Variants in THSD7B observed in about 807,000 individuals in gnomAD.
The protein encoded by THSD7B is thrombospondin type 1 domain containing 7B.
THSD7B carries 138 observed loss-of-function variants against 213.6 expected under a neutral mutation model. The ratio of observed to expected loss-of-function variants is 0.65; its 90% CI spans 0.56 to 0.74. The LOEUF is 0.74. Ranked by LOEUF, THSD7B falls within the 30% of genes least tolerant of loss-of-function variation. The probability of loss-of-function intolerance (pLI) is 0.00; values close to 1 mark genes in which losing one functional copy is unlikely to be tolerated. For synonymous variants in THSD7B, 742 were observed against 687.0 expected (o/e 1.08, Z -1.25); for missense variants, 1,931 against 1,991.5 (o/e 0.97, Z 0.58).
At chr2:137,397,666 TA>T (rs1686228237) in intron 12 of THSD7B, among the ~76,000 whole-genome samples, 3 of 151,586 alleles carry the variant, frequency 2.0e-5, no homozygotes, top group African/African-American at 7.3e-5. Flanking sequence ...TCTCGAGGAG[TA>T]TCTTTGTGGC....
chr2:136,983,826 G>A lies in THSD7B; in HGVS notation c.140-72594G>A, dbSNP rs539349787. Reference sequence around the variant, plus strand: ...TGGTAAGTCCCTCCTTTCAGGAACCGTCAGTTTGCTAACCTGGACTTCATG... The same window carrying A: ...TGGTAAGTCCCTCCTTTCAGGAACCATCAGTTTGCTAACCTGGACTTCATG... On this transcript the variant is annotated intron_variant, in intron 2 of 27. Transcript: ENST00000409968. Among the ~76,000 whole-genome samples, 13 of 152,292 alleles carry A rather than the reference G, an allele frequency of 8.5e-5. No individual in the cohort carries two copies. In the South Asian group the frequency reaches 2.7e-3, roughly 32 times the overall value.
intron 2 of THSD7B, among the ~76,000 whole-genome samples, chr2:136,989,373 T>A (rs1391864393): frequency 2.0e-5 from 3 of 152,194 alleles, no homozygotes; most frequent in African/African-American, 7.2e-5. Context: ...ATTCTCACTC[T>A]GAGTTCATGT....
At chr2:136,921,717 A>G (rs139656122) in intron 2 of THSD7B, among the ~76,000 whole-genome samples, 65 of 152,352 alleles carry the variant, frequency 4.3e-4, no homozygotes, top group African/African-American at 1.5e-3. Flanking sequence ...AAAATCATTA[A>G]GTGGTAGAAT....
Position 137,389,402 on chromosome 2 carries a change from A to ATTTTTTTT in THSD7B, c.2501-16191_2501-16184dup, listed in dbSNP as rs70978214. 3.7e-4 allele frequency among the ~76,000 whole-genome samples: 14 copies of ATTTTTTTT among 38,078 alleles called. 1 individual carries two copies. The highest frequency in any genetic ancestry group is 1.1e-3 in the East Asian group (1 of 916). The allele number at this position is 38,078 out of a possible 152,430, so 25.0% of individuals were successfully genotyped here. A position where few individuals can be genotyped will look rare whatever the true frequency, so the allele number is the denominator to read the frequency against. On this transcript the variant is annotated intron_variant, in intron 12 of 27. Coordinates refer to ENST00000409968, the MANE Select transcript of THSD7B (RefSeq NM_001316349.2). ...GATAGTTTGACCACTTCTTAATGTG[A>ATTTTTTTT]TTTTTTTTTTTTTTTTTTTTTTTTT... is the stretch of plus-strand genomic sequence containing the variant.
chr2:136,797,853 T>C (rs567457267), intron 1 of THSD7B, among the ~76,000 whole-genome samples: 1 of 152,084 alleles, frequency 6.6e-6, no homozygotes, highest in East Asian at 1.9e-4. Flanking sequence ...ACATCAAAAC[T>C]TGTATATGAG....
chr2:137,257,622 CT>C (rs1350053369), intron 10 of THSD7B, among the ~76,000 whole-genome samples: 1 of 152,176 alleles, frequency 6.6e-6, no homozygotes, highest in Non-Finnish European at 1.5e-5. Flanking sequence ...TAAACCACCC[CT>C]GAGACTGCAC....
intron 20 of THSD7B, among the ~76,000 whole-genome samples, chr2:137,624,238 T>C (rs1682578935): frequency 1.3e-5 from 2 of 152,264 alleles, no homozygotes; most frequent in Admixed American, 1.3e-4. Context: ...AAGGATTCCC[T>C]ATTTAATAAC....
At chr2:137,516,196 G>T (rs1263899378) in intron 15 of THSD7B, among the ~76,000 whole-genome samples, 1 of 151,954 alleles carries the variant, frequency 6.6e-6, no homozygotes, top group Non-Finnish European at 1.5e-5. Flanking sequence ...TAATCACGGT[G>T]TTCCTAAAAG....
intron 12 of THSD7B, among the ~76,000 whole-genome samples, chr2:137,403,129 A>G (rs770465537): frequency 1.3e-5 from 2 of 151,910 alleles, no homozygotes; most frequent in African/African-American, 4.9e-5. Context: ...GATAAAAACG[A>G]AAACAAAAAA....
chr2:137,549,310 CTTTTTTTTTTTT>C (rs1027305359), intron 15 of THSD7B, among the ~76,000 whole-genome samples: 2 of 25,206 alleles, frequency 7.9e-5, no homozygotes, highest in Admixed American at 4.1e-4. Flanking sequence ...TTCAGATGCT[CTTTTTTTTTTTT>C]TTTTTTTTTT....
chr2:137,176,871 C>T (rs1256169846), intron 7 of THSD7B, among the ~76,000 whole-genome samples: 1 of 152,214 alleles, frequency 6.6e-6, no homozygotes, highest in Admixed American at 6.5e-5. Context: ...TCCTGCCTCA[C>T]TTCCCCACTT....
chr2:137,647,387 G>C (rs1338430571), intron 21 of THSD7B, among the ~76,000 whole-genome samples: 2 of 149,666 alleles, frequency 1.3e-5, no homozygotes, highest in African/African-American at 5.0e-5. Flanking sequence ...AAGTTTGAAG[G>C]CCTGAGTCCC....
chr2:136,939,339 C>A (rs1261360705), intron 2 of THSD7B, among the ~76,000 whole-genome samples: 1 of 152,174 alleles, frequency 6.6e-6, no homozygotes, highest in Non-Finnish European at 1.5e-5. Flanking sequence ...CCAGTCAATT[C>A]TGGAATGGGA....
At chr2:137,407,388 T>A (rs1686549399) in intron 13 of THSD7B, among the ~76,000 whole-genome samples, 1 of 152,264 alleles carries the variant, frequency 6.6e-6, no homozygotes, top group Non-Finnish European at 1.5e-5. Flanking sequence ...TATCTTTATG[T>A]CTACGTGGCA....
intron 12 of THSD7B, among the ~76,000 whole-genome samples, chr2:137,400,135 A>G (rs1425332338): frequency 4.6e-5 from 7 of 152,008 alleles, no homozygotes; most frequent in Admixed American, 6.6e-5. Flanking sequence ...TTTGTCATTC[A>G]TATCCTAAAT....
chr2:137,385,362 C>CCTGGCCTCCATGCCCCTGCT (rs1673196049), intron 12 of THSD7B, among the ~76,000 whole-genome samples: 1 of 152,174 alleles, frequency 6.6e-6, no homozygotes, highest in Admixed American at 6.5e-5. Context: ...GGGCACCTGC[C>CCTGGCCTCCATGCCCCTGCT]CTGGCCTCCA....
chr2:137,274,744 G>A (rs1253370561), intron 11 of THSD7B, among the ~76,000 whole-genome samples: 1 of 151,962 alleles, frequency 6.6e-6, no homozygotes. Flanking sequence ...TCAAAAGTTG[G>A]ACTAAAATCC....
At chr2:137,366,766 G>A (rs1041606665) in intron 12 of THSD7B, among the ~76,000 whole-genome samples, 1 of 152,056 alleles carries the variant, frequency 6.6e-6, no homozygotes, top group Non-Finnish European at 1.5e-5. Flanking sequence ...TGTAATTAAA[G>A]TAAAATATAG....
intron 27 of THSD7B, among the ~76,000 whole-genome samples, chr2:137,671,508 ACTT>A (rs1429519264): frequency 1.3e-5 from 2 of 152,070 alleles, no homozygotes; most frequent in African/African-American, 4.8e-5. Flanking sequence ...AAACTTACTT[ACTT>A]ACAATCATGG....
Sources: gnomAD v4.1 joint callset for allele counts (sites outside exome capture counted in the v4.1 genomes callset) on GRCh38, gnomAD v4.1.1 for gene constraint, MANE v1.5 for transcripts, NCBI Gene and HGNC (gene_info 2026-07-23, HGNC 2026-07-21) for gene names.